The following TYROBP variants were observed in gnomAD, a reference collection of about 807,000 sequenced individuals.
TYROBP encodes TYRO protein tyrosine kinase-binding protein.
TYROBP carries 14 observed loss-of-function variants against 17.1 expected under a neutral mutation model. That is an observed-to-expected ratio of 0.82 (90% CI 0.54 to 1.28). The LOEUF (loss-of-function observed/expected upper bound fraction) is 1.28. TYROBP is among the 50% of genes most tolerant of loss of function. TYROBP has a pLI of 0.00. For missense variants in TYROBP, 161 were observed against 151.4 expected, an observed-to-expected ratio of 1.06 and a Z score of -0.33; for synonymous variants, 73 against 67.4, an observed-to-expected ratio of 1.08 and a Z score of -0.41.
rs1975672280 is a variant in TYROBP, at chr19:35,904,592, T to A, written c.319A>T (p.Thr107Ser). The A allele has an allele frequency of 6.2e-7, 1 of 1,613,604 alleles. No individual in the cohort carries two copies. Among genetic ancestry groups the A allele is most frequent in the African/African-American group, 1.3e-5 (1 of 74,864 alleles). ...QRSDVYSDLN[T>S]QRPYYK is the part of the protein sequence containing the mutation. ...GCTCATTTGTAATACGGCCTCTGTG[T>A]GTTGAGGTCGCTGTAGACATCCGAC... The change falls in exon 5 of 5, where the codon ACA becomes TCA. Residue 107 changes from threonine (T) to serine (S), a missense_variant. By Grantham distance (58) the Thr-to-Ser change is moderately conservative. Transcript: ENST00000262629.
In TYROBP at chr19:35,904,583, G is replaced by C. The variant is rs1408948691; in HGVS notation, c.328C>G (p.Pro110Ala). 2 of 1,613,600 alleles carry C rather than the reference G, an allele frequency of 1.2e-6. No homozygotes were observed. The highest frequency in any genetic ancestry group is 2.2e-5 in the South Asian group (2 of 90,906). The change falls in exon 5 of 5, where the codon CCG (proline) becomes GCG (alanine). Residue 110 changes from proline to alanine, a missense_variant. Physicochemically the swap from Pro to Ala is conservative, Grantham distance 27 (BLOSUM62 -1). Transcript: ENST00000262629. The stretch of plus-strand genomic sequence containing the variant: ...ATGATTCGGGCTCATTTGTAATACG[G>C]CCTCTGTGTGTTGAGGTCGCTGTAG... Reference protein sequence around the residue: ...DVYSDLNTQRPYYK With the variant: ...DVYSDLNTQRAYYK
rs745610215 is a variant in TYROBP, at chr19:35,907,427, C to T, written c.229+19G>A. ...CATCTAGGCAAGTCCTCAGGATGTC[C>T]CCTGCTAGCCCCACTCACCCTCCGC... On this transcript the variant is annotated intron_variant, in intron 3 of 4. Coordinates refer to ENST00000262629, the MANE Select transcript of TYROBP (RefSeq NM_003332.4). 1.2e-6 allele frequency: 2 copies of T among 1,611,960 alleles called. No homozygotes were observed. Among genetic ancestry groups the T allele is most frequent in the East Asian group, 2.2e-5 (1 of 44,870 alleles).
rs200694727 is a variant in TYROBP, at chr19:35,907,564, C to G, written c.111G>C (p.Thr37=). 2 of 1,614,088 alleles carry G rather than the reference C, an allele frequency of 1.2e-6. No individual in the cohort carries two copies. The highest frequency in any genetic ancestry group is 1.7e-6 in the Non-Finnish European group (2 of 1,180,034). ...TCCCTGCCAGCACGCCCGGGCTCAC[C>G]GTAGAGCAACTGCAATCTGCAGCAC... ...AQAQSDCSCS[T]VSPGVLAGIV... is the part of the protein sequence containing the mutation. The change falls in exon 3 of 5, where the codon ACG becomes ACC. Residue 37 remains threonine (T), a synonymous_variant. Coordinates refer to ENST00000262629, the MANE Select transcript of TYROBP (RefSeq NM_003332.4).
chr19:35,907,788 G>A, intron 1 of TYROBP, 26 bp from the exon 2 acceptor site: 1 of 1,613,428 alleles, frequency 6.2e-7, no homozygotes, highest in Non-Finnish European at 8.5e-7. Flanking sequence ...AAGGTAAACT[G>A]AGGCACAGAG....
At chr19:35,908,013 C>G (rs1054677656) in intron 1 of TYROBP, among the ~76,000 whole-genome samples, 155 bp downstream of exon 1, 1 of 152,084 alleles carries the variant, frequency 6.6e-6, no homozygotes. Context: ...AACTTGGGGG[C>G]TTGGGCTCTG....
rs1414781110 is a variant in TYROBP, at chr19:35,906,369, G to T, written c.276+849C>A. ...CTCCCAAAGTGCTGGGATTACAGGT[G>T]TGTGCCACCATGCCTGGCCAAAAAA... On this transcript the variant is annotated intron_variant, in intron 4 of 4. Coordinates refer to ENST00000262629, the MANE Select transcript of TYROBP (RefSeq NM_003332.4). Among the ~76,000 whole-genome samples the T allele has an allele frequency of 3.9e-5, 6 of 151,924 alleles. No individual in the cohort carries two copies. In the East Asian group the frequency reaches 1.2e-3, roughly 29 times the overall value.
At position 35,904,708 on chromosome 19, in the gene TYROBP, C is replaced by T. The variant is rs535324953; in HGVS notation, c.277-74G>A. On this transcript the variant is annotated intron_variant, in intron 4 of 4. Transcript: ENST00000262629. ...AGCCTTCTCCCAGTGGCCTGCAAGG[C>T]CCCTGGCAGCTTCTTCAGCCTTATA... 2.7e-5 allele frequency: 38 copies of T among 1,392,152 alleles called. No individual in the cohort carries two copies. In the Admixed American group the frequency reaches 3.6e-4, roughly 13 times the overall value. 86.2% of individuals were successfully genotyped at this position (1,392,152 alleles called of 1,614,324 possible). A position where few individuals can be genotyped will look rare whatever the true frequency, so the allele number is the denominator to read the frequency against.
At chr19:35,907,866 G>A in intron 1 of TYROBP, 104 bp from the exon 2 acceptor site, 7 of 1,229,728 alleles carry the variant, frequency 5.7e-6, no homozygotes, top group Non-Finnish European at 7.1e-6. Flanking sequence ...CAAGAGGTTA[G>A]CAAGGGGGAG....
chr19:35,908,222 C>T lies in TYROBP; in HGVS notation c.7G>A (p.Gly3Arg), dbSNP rs767572535. 6.2e-7 allele frequency: 1 copy of T among 1,613,854 alleles called. No individual in the cohort carries two copies. The highest frequency in any genetic ancestry group is 8.5e-7 in the Non-Finnish European group (1 of 1,179,890). ...AGGAGCCTGCTGCAGGGTTCAAGTCCCCCCATGAAGCCGGATGCTGCTGGA... is the reference window on the plus strand; with the variant it reads ...AGGAGCCTGCTGCAGGGTTCAAGTCTCCCCATGAAGCCGGATGCTGCTGGA... MG[G>R]LEPCSRLLLL... is the part of the protein sequence containing the mutation. Residue 3 changes from glycine (G) to arginine (R), a missense_variant, in exon 1 of 5, where the codon GGA becomes AGA. Physicochemically the swap from Gly to Arg is moderately radical, Grantham distance 125. Coordinates refer to ENST00000262629, the MANE Select transcript of TYROBP (RefSeq NM_003332.4).
At chr19:35,907,348 A>G (rs1975749905) in intron 3 of TYROBP, 84 bp from the exon 4 acceptor site, 3 of 1,606,410 alleles carry the variant, frequency 1.9e-6, no homozygotes, top group African/African-American at 1.3e-5. Context: ...CAGCACCTCC[A>G]TTACCATCCC....
chr19:35,906,603 C>T (rs1454785980), intron 4 of TYROBP, among the ~76,000 whole-genome samples: 2 of 152,022 alleles, frequency 1.3e-5, no homozygotes, highest in African/African-American at 2.4e-5. Flanking sequence ...CTACTGAGAG[C>T]GTCTCCCAGA....
chr19:35,904,428 G>T lies in TYROBP; in HGVS notation c.*141C>A. The T allele has an allele frequency of 1.1e-6, 1 of 897,274 alleles. No homozygotes were observed. The highest frequency in any genetic ancestry group is 1.8e-6 in the Non-Finnish European group (1 of 557,762). 55.6% of individuals were successfully genotyped at this position (897,274 alleles called of 1,614,324 possible). ...TTTTTGTGCTTCATGTTTATTTTAG[G>T]AGAGTATTGGGGAGCGGTCTGGTCT... On this transcript the variant is annotated 3_prime_UTR_variant, in exon 5 of 5. Coordinates refer to ENST00000262629, the MANE Select transcript of TYROBP (RefSeq NM_003332.4).
chr19:35,905,293 G>C (rs1360333399), intron 4 of TYROBP, among the ~76,000 whole-genome samples: 1 of 152,186 alleles, frequency 6.6e-6, no homozygotes, highest in Non-Finnish European at 1.5e-5. Context: ...CAATATATCA[G>C]ACTTCACACA....
At chr19:35,904,703 CA>C in intron 4 of TYROBP, 69 bp from the exon 5 acceptor site, 7 of 1,440,146 alleles carry the variant, frequency 4.9e-6, no homozygotes, top group Non-Finnish European at 6.8e-6. Flanking sequence ...CAGTGGCCTG[CA>C]AGGCCCCTGG....
In TYROBP at chr19:35,904,503, G is replaced by C. The variant is rs939296944; in HGVS notation, c.*66C>G. The C allele has an allele frequency of 9.8e-6, 15 of 1,528,826 alleles. No homozygotes were observed. The highest frequency in any genetic ancestry group is 1.4e-5 in the Non-Finnish European group (15 of 1,109,766). The allele number at this position is 1,528,826 out of a possible 1,614,324, so 94.7% of individuals were successfully genotyped here. A position where few individuals can be genotyped will look rare whatever the true frequency, so the allele number is the denominator to read the frequency against. On this transcript the variant is annotated 3_prime_UTR_variant, in exon 5 of 5. Coordinates refer to ENST00000262629, the MANE Select transcript of TYROBP (RefSeq NM_003332.4). ...TGTATCGCGGTAGGAGTTGGAATGAGGTGCAGGGTGGGCTTCAGGAATGGC... is the reference window on the plus strand; with the variant it reads ...TGTATCGCGGTAGGAGTTGGAATGACGTGCAGGGTGGGCTTCAGGAATGGC...
In TYROBP at chr19:35,907,564, C is replaced by T. The variant is rs200694727; in HGVS notation, c.111G>A (p.Thr37=). 60 of 1,614,088 alleles carry T rather than the reference C, an allele frequency of 3.7e-5. No individual in the cohort carries two copies. In the East Asian group the frequency reaches 1.1e-3, roughly 29 times the overall value. ...TCCCTGCCAGCACGCCCGGGCTCAC[C>T]GTAGAGCAACTGCAATCTGCAGCAC... ...AQAQSDCSCS[T]VSPGVLAGIV... is the part of the protein sequence containing the mutation. The change falls in exon 3 of 5, where the codon ACG becomes ACA. Residue 37 remains threonine, a synonymous_variant. Transcript: ENST00000262629.
intron 3 of TYROBP, 81 bp from the exon 4 acceptor site, chr19:35,907,345 T>C: frequency 6.2e-7 from 1 of 1,604,486 alleles, no homozygotes; most frequent in South Asian, 1.1e-5. Flanking sequence ...AATCAGCACC[T>C]CCATTACCAT....
chr19:35,907,315 G>A (rs1975749162), intron 3 of TYROBP, 51 bp from the exon 4 acceptor site: 2 of 1,610,830 alleles, frequency 1.2e-6, no homozygotes, highest in African/African-American at 1.3e-5. Context: ...GTGGTGAGTT[G>A]AGGGTGTTTT....
At position 35,907,518 on chromosome 19, in the gene TYROBP, G is replaced by A. The variant is rs771582920; in HGVS notation, c.157C>T (p.Leu53=). The change falls in exon 3 of 5, where the codon CTG becomes TTG. Residue 53 remains leucine (L), a synonymous_variant. Transcript: ENST00000262629. Reference sequence around the variant, plus strand: ...ACGGCCAGGGCAATGAGCACTGTCAGCACCAGGTCTCCCATCACGATCCCT... The same window carrying A: ...ACGGCCAGGGCAATGAGCACTGTCAACACCAGGTCTCCCATCACGATCCCT... ...LAGIVMGDLV[L]TVLIALAVYF... 3.7e-6 allele frequency: 6 copies of A among 1,613,732 alleles called. No individual in the cohort carries two copies. The highest frequency in any genetic ancestry group is 1.6e-4 in the Middle Eastern group (1 of 6,062).
Sources: allele counts gnomAD v4.1 joint callset (sites outside exome capture counted in the v4.1 genomes callset), GRCh38; gene constraint gnomAD v4.1.1; transcripts MANE v1.5; gene names NCBI Gene and HGNC (gene_info 2026-07-23, HGNC 2026-07-21).